The following ME3 variants were observed in gnomAD, a reference collection of about 807,000 sequenced individuals.
The protein encoded by ME3 is malic enzyme 3.
Under a neutral mutation model 68.9 loss-of-function variants are expected in ME3, and 48 were observed. The observed-to-expected ratio is 0.70, with a 90% CI of 0.55 to 0.89. The LOEUF (loss-of-function observed/expected upper bound fraction) is 0.89. Ranked by LOEUF, ME3 falls within the 40% of genes least tolerant of loss-of-function variation. The probability of loss-of-function intolerance (pLI) is 0.00; values close to 1 mark genes in which losing one functional copy is unlikely to be tolerated. For synonymous variants in ME3, 320 were observed against 318.8 expected, an observed-to-expected ratio of 1.00 and a Z score of -0.04; for missense variants, 675 against 797.4, an observed-to-expected ratio of 0.85 and a Z score of 1.85.
rs1956407463 is a variant in ME3, at chr11:86,547,195, G to A, written c.467+9358C>T. On this transcript the variant is annotated intron_variant, in intron 4 of 14. Coordinates refer to ENST00000543262, the Ensembl canonical transcript of ME3. ...AGAGCTTGCAGTGAACCCAGATCAT[G>A]CCACTGCACACTCCAGCCTGGGCGA... Among the ~76,000 whole-genome samples the A allele has an allele frequency of 3.5e-5, 4 of 113,622 alleles. No individual in the cohort carries two copies. In the South Asian group the frequency reaches 1.1e-3, roughly 32 times the overall value. 74.5% of individuals were successfully genotyped at this position (113,622 alleles called of 152,430 possible).
Position 86,525,546 on chromosome 11 carries a change from A to G in ME3, c.468-16679T>C, listed in dbSNP as rs142007713. ...AAAAAAGACCCACTATATTTTGCCT[A>G]CAAAAGATTCAGTTCACCTTTAAGA... On this transcript the variant is annotated intron_variant, in intron 4 of 14. Coordinates refer to ENST00000543262, the Ensembl canonical transcript of ME3. Among the ~76,000 whole-genome samples, 5 of 151,736 alleles carry G rather than the reference A, an allele frequency of 3.3e-5. No homozygotes were observed. In the East Asian group the frequency reaches 5.8e-4, roughly 18 times the overall value.
intron 2 of ME3, among the ~76,000 whole-genome samples, chr11:86,620,590 A>G (rs10898514): frequency 0.13 from 19,613 of 152,210 alleles, 1,744 homozygotes; most frequent in East Asian, 0.4. Flanking sequence ...GCACTATGCT[A>G]TATGGTCACA....
intron 6 of ME3, among the ~76,000 whole-genome samples, chr11:86,494,522 G>GGGT (rs1952193159): frequency 6.6e-6 from 1 of 152,118 alleles, no homozygotes; most frequent in Non-Finnish European, 1.5e-5. Context: ...CACCCCCGGG[G>GGGT]CACATAGGAG....
At chr11:86,582,463 A>G (rs1958494782) in intron 2 of ME3, among the ~76,000 whole-genome samples, 1 of 152,210 alleles carries the variant, frequency 6.6e-6, no homozygotes, top group African/African-American at 2.4e-5. Flanking sequence ...CAGAAGAAAG[A>G]TAAAAGTCCT....
At chr11:86,497,543 T>G (rs1334087148) in intron 6 of ME3, among the ~76,000 whole-genome samples, 3 of 152,122 alleles carry the variant, frequency 2.0e-5, no homozygotes, top group Admixed American at 2.0e-4. Context: ...ATTCAGACAT[T>G]TTGGCCCCTG....
chr11:86,612,982 C>G (rs549453044), intron 2 of ME3, among the ~76,000 whole-genome samples: 4 of 152,108 alleles, frequency 2.6e-5, no homozygotes, highest in Non-Finnish European at 2.9e-5. Flanking sequence ...GAAGTCTTTG[C>G]CCATGCTTAT....
At chr11:86,659,956 T>C (rs1261811126) in intron 2 of ME3, among the ~76,000 whole-genome samples, 1 of 152,146 alleles carries the variant, frequency 6.6e-6, no homozygotes, top group Non-Finnish European at 1.5e-5. Flanking sequence ...TATACCAAAA[T>C]GTTGGGACAA....
chr11:86,569,376 T>G (rs534587073), intron 2 of ME3, among the ~76,000 whole-genome samples: 1 of 152,286 alleles, frequency 6.6e-6, no homozygotes, highest in Non-Finnish European at 1.5e-5. Flanking sequence ...TTCCCCATTC[T>G]CTGACCCCTT....
intron 14 of ME3, among the ~76,000 whole-genome samples, chr11:86,442,257 A>G (rs537284878): frequency 4.6e-5 from 7 of 152,286 alleles, no homozygotes; most frequent in Middle Eastern, 3.4e-3. Context: ...TGATCACCCC[A>G]TAGCCAGCCA....
chr11:86,453,259 G>C (rs4944583), intron 8 of ME3, among the ~76,000 whole-genome samples: 106,418 of 152,146 alleles, frequency 0.7, 37,562 homozygotes, highest in South Asian at 0.82. Flanking sequence ...CTTGACCTCC[G>C]AAAGTGCTGG....
chr11:86,605,364 C>T (rs1191625756), intron 2 of ME3, among the ~76,000 whole-genome samples: 1 of 152,194 alleles, frequency 6.6e-6, no homozygotes, highest in African/African-American at 2.4e-5. Flanking sequence ...GGATGTGCTT[C>T]TGAGTCATGG....
intron 2 of ME3, among the ~76,000 whole-genome samples, chr11:86,657,277 A>C (rs1284286515): frequency 6.6e-6 from 1 of 152,208 alleles, no homozygotes; most frequent in East Asian, 1.9e-4. Flanking sequence ...ACCATGGAAT[A>C]CTATGCAGCC....
chr11:86,489,809 A>T (rs975114350), intron 6 of ME3, among the ~76,000 whole-genome samples: 8 of 149,108 alleles, frequency 5.4e-5, no homozygotes, highest in Non-Finnish European at 1.2e-4. Flanking sequence ...AACTCCTCCC[A>T]CTCCCTCCCC....
At chr11:86,526,491 G>A (rs1245144661) in intron 4 of ME3, among the ~76,000 whole-genome samples, 1 of 152,190 alleles carries the variant, frequency 6.6e-6, no homozygotes, top group African/African-American at 2.4e-5. Flanking sequence ...AGACTTAAAT[G>A]TCTCTGTCTG....
At chr11:86,600,839 C>T (rs1960513787) in intron 2 of ME3, among the ~76,000 whole-genome samples, 2 of 151,738 alleles carry the variant, frequency 1.3e-5, no homozygotes, top group Admixed American at 6.6e-5. Flanking sequence ...GAACAACCTG[C>T]TCCTGAATGA....
At chr11:86,558,117 A>G (rs1163278772) in intron 3 of ME3, among the ~76,000 whole-genome samples, 1 of 152,230 alleles carries the variant, frequency 6.6e-6, no homozygotes, top group East Asian at 1.9e-4. Context: ...ATGTTTCCCC[A>G]GGCCTATGAG....
chr11:86,651,069 G>A (rs538817946), intron 2 of ME3, among the ~76,000 whole-genome samples: 47 of 152,352 alleles, frequency 3.1e-4, no homozygotes, highest in African/African-American at 1.1e-3. Context: ...CATTGCTGAG[G>A]CTTGAGTAGG....
At chr11:86,533,966 A>G (rs180912966) in intron 4 of ME3, among the ~76,000 whole-genome samples, 58 of 152,238 alleles carry the variant, frequency 3.8e-4, no homozygotes, top group African/African-American at 1.4e-3. Flanking sequence ...AAACATGTAC[A>G]TCATGTTACT....
intron 4 of ME3, among the ~76,000 whole-genome samples, chr11:86,509,216 C>G (rs538879244): frequency 6.6e-6 from 1 of 151,608 alleles, no homozygotes; most frequent in Non-Finnish European, 1.5e-5. Flanking sequence ...GGCCTCTTTT[C>G]CAGGTCCCTC....
Sources: gnomAD v4.1 joint callset for allele counts (sites outside exome capture counted in the v4.1 genomes callset) on GRCh38, gnomAD v4.1.1 for gene constraint, MANE v1.5 for transcripts, NCBI Gene and HGNC (gene_info 2026-07-23, HGNC 2026-07-21) for gene names.